Variants in NRXN1 observed in about 807,000 individuals in gnomAD.
The protein encoded by NRXN1 is neurexin 1.
A neutral mutation model predicts 150.9 loss-of-function variants in NRXN1; 39 were observed. The observed-to-expected ratio is 0.26, with a 90% CI of 0.20 to 0.34. NRXN1 has a LOEUF of 0.34. Among genes scored for constraint, NRXN1 ranks in the 10% least tolerant of loss-of-function variants. NRXN1 has a pLI of 1.00. For synonymous variants in NRXN1, 924 were observed against 757.0 expected (o/e 1.22, Z -3.62); for missense variants, 1,815 against 1,949.9 (o/e 0.93, Z 1.30).
intron 5 of NRXN1, among the ~76,000 whole-genome samples, chr2:50,685,595 C>G (rs1047279454): frequency 6.6e-6 from 1 of 152,104 alleles, no homozygotes; most frequent in Non-Finnish European, 1.5e-5. Flanking sequence ...CCTCTCTTCT[C>G]AATATCCTCC....
intron 21 of NRXN1, chr2:49,970,619 T>C (rs1677779770): frequency 6.6e-6 from 1 of 152,116 alleles, no homozygotes; most frequent in Non-Finnish European, 1.5e-5. Context: ...AAATATCAGC[T>C]GTCAAGTAAA....
chr2:50,209,933 T>G (rs1226530656), intron 18 of NRXN1, among the ~76,000 whole-genome samples: 2 of 152,050 alleles, frequency 1.3e-5, no homozygotes, highest in Admixed American at 1.3e-4. Context: ...ATACTATATA[T>G]GTACTGTTCT....
chr2:50,204,981 T>C (rs543323518), intron 18 of NRXN1, among the ~76,000 whole-genome samples: 1 of 152,192 alleles, frequency 6.6e-6, no homozygotes, highest in African/African-American at 2.4e-5. Context: ...ACATGAATCA[T>C]TCCATTTACA....
At chr2:50,694,759 TC>T (rs1692573718) in intron 5 of NRXN1, among the ~76,000 whole-genome samples, 1 of 152,182 alleles carries the variant, frequency 6.6e-6, no homozygotes, top group Non-Finnish European at 1.5e-5. Flanking sequence ...AATCCTTTTA[TC>T]CCCAATATTC....
At chr2:50,550,608 G>T (rs928017127) in intron 9 of NRXN1, among the ~76,000 whole-genome samples, 2 of 151,564 alleles carry the variant, frequency 1.3e-5, no homozygotes, top group Non-Finnish European at 2.9e-5. Flanking sequence ...AGTCAGAGGG[G>T]AACACTCTAT....
intron 5 of NRXN1, among the ~76,000 whole-genome samples, chr2:50,721,290 T>C (rs191768259): frequency 2.6e-5 from 4 of 152,264 alleles, no homozygotes; most frequent in Admixed American, 2.0e-4. Context: ...TTGGATAATC[T>C]ACAACACTCT....
At chr2:50,404,304 A>C (rs977300355) in intron 17 of NRXN1, among the ~76,000 whole-genome samples, 1 of 152,022 alleles carries the variant, frequency 6.6e-6, no homozygotes, top group African/African-American at 2.4e-5. Flanking sequence ...AAAAGTATCC[A>C]TTCTCCTCCT....
chr2:50,798,081 A>C (rs1304303034), intron 5 of NRXN1, among the ~76,000 whole-genome samples: 1 of 152,178 alleles, frequency 6.6e-6, no homozygotes, highest in Non-Finnish European at 1.5e-5. Context: ...AGAAGGAAAG[A>C]GAATGCTTAA....
chr2:50,829,716 C>T lies in NRXN1; in HGVS notation c.832+92153G>A, dbSNP rs1026846434. The T allele has an allele frequency of 1.1e-5, 17 of 1,596,758 alleles. No homozygotes were observed. In the South Asian group the frequency reaches 1.3e-4, roughly 13 times the overall value. ...CCAGGCCGCCCGCACACCCAGAGCT[C>T]GCCCACGGTTGGCAGCGCCCAAGGT... On this transcript the variant is annotated intron_variant, in intron 5 of 22. Coordinates refer to ENST00000401669, the MANE Select transcript of NRXN1 (RefSeq NM_001330078.2).
chr2:50,958,675 T>C (rs1182277640), intron 2 of NRXN1, among the ~76,000 whole-genome samples: 2 of 152,080 alleles, frequency 1.3e-5, no homozygotes, highest in East Asian at 3.9e-4. Flanking sequence ...CTAGTCTGGA[T>C]ACCTCTTAGT....
At chr2:50,154,606 T>C (rs2688892) in intron 18 of NRXN1, among the ~76,000 whole-genome samples, 124,313 of 151,494 alleles carry the variant, frequency 0.82, 51,450 homozygotes, top group African/African-American at 0.93. Flanking sequence ...CAGAATATTA[T>C]AGTACTTCAA....
At position 50,964,915 on chromosome 2, in the gene NRXN1, C is replaced by T. The variant is rs189125125; in HGVS notation, c.773-38960G>A. ...GAAATATGAAAGTAGGCAACATACT[C>T]TGGAATTTTTGTTGAGCCTAAGTAA... On this transcript the variant is annotated intron_variant, in intron 2 of 22. Coordinates refer to ENST00000401669, the MANE Select transcript of NRXN1 (RefSeq NM_001330078.2). Among the ~76,000 whole-genome samples, 4 of 151,356 alleles carry T rather than the reference C, an allele frequency of 2.6e-5. No individual in the cohort carries two copies. In the Admixed American group the frequency reaches 2.6e-4, roughly 10 times the overall value.
At chr2:49,971,202 G>A (rs1373512403) in intron 21 of NRXN1, among the ~76,000 whole-genome samples, 1 of 151,998 alleles carries the variant, frequency 6.6e-6, no homozygotes, top group Admixed American at 6.6e-5. Context: ...TAGCATTCTG[G>A]TTACTGAATC....
intron 17 of NRXN1, among the ~76,000 whole-genome samples, chr2:50,464,799 A>G (rs1000721961): frequency 6.6e-6 from 1 of 151,966 alleles, no homozygotes; most frequent in African/African-American, 2.4e-5. Flanking sequence ...TAGATCAGTT[A>G]ATTCCATCTT....
At chr2:50,704,843 A>C (rs906365306) in intron 5 of NRXN1, among the ~76,000 whole-genome samples, 3 of 151,904 alleles carry the variant, frequency 2.0e-5, no homozygotes, top group African/African-American at 7.2e-5. Flanking sequence ...ATAATATATA[A>C]TATTACAATT....
chr2:50,576,000 A>C (rs1671385715), intron 8 of NRXN1, among the ~76,000 whole-genome samples: 1 of 152,132 alleles, frequency 6.6e-6, no homozygotes, highest in African/African-American at 2.4e-5. Flanking sequence ...GATCTTTATA[A>C]ATATTTATTT....
intron 5 of NRXN1, among the ~76,000 whole-genome samples, chr2:50,894,462 T>G (rs1277236340): frequency 1.3e-5 from 2 of 151,876 alleles, no homozygotes; most frequent in African/African-American, 4.8e-5. Context: ...TCCTGATTAT[T>G]CATTTGAAAC....
At chr2:50,105,033 T>C (rs1224866897) in intron 18 of NRXN1, among the ~76,000 whole-genome samples, 1 of 152,010 alleles carries the variant, frequency 6.6e-6, no homozygotes, top group East Asian at 1.9e-4. Context: ...AGCTAAAACA[T>C]CAATCTAGTT....
rs764611037 is a variant in NRXN1, at chr2:50,495,942, C to T, written c.3033G>A (p.Thr1011=). 12 of 1,610,018 alleles carry T rather than the reference C, an allele frequency of 7.5e-6. No homozygotes were observed. The highest frequency in any genetic ancestry group is 3.4e-5 in the Admixed American group (2 of 59,446). ...AGTTCCTGGCTCCGGCGGTGATTTG[C>T]GTTGTGATTTTTGTGTCAATCTTTA... The part of the protein sequence containing the change: ...HTVKIDTKIT[T]QITAGARNLD... Residue 1011 remains threonine, a synonymous_variant, in exon 15 of 23, where the codon ACG becomes ACA. Coordinates refer to ENST00000401669, the MANE Select transcript of NRXN1 (RefSeq NM_001330078.2).
Sources: gnomAD v4.1 joint callset for allele counts (sites outside exome capture counted in the v4.1 genomes callset) on GRCh38, gnomAD v4.1.1 for gene constraint, MANE v1.5 for transcripts, NCBI Gene and HGNC (gene_info 2026-07-23, HGNC 2026-07-21) for gene names.